Variants in KLRG1 observed in about 807,000 individuals in gnomAD.
KLRG1 encodes the protein killer cell lectin like receptor G1.
A neutral mutation model predicts 21.8 loss-of-function variants in KLRG1; 16 were observed. That is an observed-to-expected ratio of 0.73 (90% confidence interval 0.50 to 1.11). The LOEUF is 1.11. Ranked by LOEUF, KLRG1 falls within the 50% of genes most tolerant of loss-of-function variation. KLRG1 has a pLI of 0.00. For missense variants in KLRG1, 173 were observed against 218.3 expected (o/e 0.79, Z 1.31); for synonymous variants, 69 against 75.9 (o/e 0.91, Z 0.47).
chr12:9,114,361 C>T, the KLRG1 span, among the ~76,000 whole-genome samples: 1 of 152,218 alleles, frequency 6.6e-6, no homozygotes, highest in Middle Eastern at 3.4e-3. Context: ...TACATATTTT[C>T]AAGTAAACAT....
At chr12:9,204,025 T>C in the KLRG1 span, 1 of 1,353,288 alleles carries the variant, frequency 7.4e-7, no homozygotes, top group Non-Finnish European at 1.0e-6. Context: ...TGTGTTTTCA[T>C]AACAATATGT....
chr12:8,978,116 A>T (rs1286413792), intron 1 of KLRG1, among the ~76,000 whole-genome samples: 1 of 152,196 alleles, frequency 6.6e-6, no homozygotes, highest in Non-Finnish European at 1.5e-5. Flanking sequence ...TTAAAACTAT[A>T]TGTACCACTA....
the KLRG1 span, among the ~76,000 whole-genome samples, chr12:9,141,771 A>T: frequency 6.6e-6 from 1 of 152,182 alleles, no homozygotes; most frequent in Non-Finnish European, 1.5e-5. Flanking sequence ...ACTTTTAGCA[A>T]CCTTTACTTT....
the KLRG1 span, among the ~76,000 whole-genome samples, chr12:9,175,083 A>G: frequency 6.6e-6 from 1 of 152,240 alleles, no homozygotes; most frequent in Non-Finnish European, 1.5e-5. Context: ...TACAGTAACC[A>G]AAACAGCATG....
the KLRG1 span, among the ~76,000 whole-genome samples, chr12:9,194,666 A>G: frequency 1.7e-4 from 26 of 151,988 alleles, no homozygotes; most frequent in South Asian, 1.7e-3. Flanking sequence ...GGGTTTCACC[A>G]TGTTAGCCAG....
chr12:9,211,383 G>A, the KLRG1 span, among the ~76,000 whole-genome samples: 1 of 151,822 alleles, frequency 6.6e-6, no homozygotes, highest in African/African-American at 2.4e-5. Flanking sequence ...TGTGTTTGCT[G>A]TTGAAGCTCT....
the KLRG1 span, chr12:9,154,584 C>G: frequency 1.3e-6 from 2 of 1,594,538 alleles, no homozygotes; most frequent in Admixed American, 3.4e-5. Flanking sequence ...CCAAGTGAAC[C>G]TGGAGCAGAA....
chr12:9,009,646 A>G lies in KLRG1; in HGVS notation c.*109A>G, dbSNP rs1947586456. On this transcript the variant is annotated 3_prime_UTR_variant, in exon 5 of 5. Transcript: ENST00000356986. Reference sequence around the variant, plus strand: ...TGAGTATATAGTTAGCAAATACTGAACTTTCTCAGATATGGCATTAGATGC... The same window carrying G: ...TGAGTATATAGTTAGCAAATACTGAGCTTTCTCAGATATGGCATTAGATGC... The G allele has an allele frequency of 1.4e-6, 2 of 1,474,516 alleles. No individual in the cohort carries two copies. Among genetic ancestry groups the G allele is most frequent in the African/African-American group, 2.8e-5 (2 of 70,214 alleles). The allele number at this position is 1,474,516 out of a possible 1,614,324, so 91.3% of individuals were successfully genotyped here.
At chr12:9,084,695 G>A in the KLRG1 span, among the ~76,000 whole-genome samples, 1 of 152,060 alleles carries the variant, frequency 6.6e-6, no homozygotes, top group Non-Finnish European at 1.5e-5. Context: ...TACCTTGAAT[G>A]CAAATGGACT....
At chr12:9,157,398 A>C in the KLRG1 span, 1 of 1,566,000 alleles carries the variant, frequency 6.4e-7, no homozygotes, top group East Asian at 2.3e-5. Flanking sequence ...GGGTGAATAG[A>C]GGGCAGAGCA....
the KLRG1 span, among the ~76,000 whole-genome samples, chr12:9,084,389 G>T: frequency 2.0e-5 from 3 of 152,084 alleles, no homozygotes; most frequent in Non-Finnish European, 4.4e-5. Context: ...AAAATAAATT[G>T]TCAATAAATA....
At chr12:8,982,247 A>C (rs2137292824) in intron 1 of KLRG1, among the ~76,000 whole-genome samples, 1 of 152,342 alleles carries the variant, frequency 6.6e-6, no homozygotes, top group Non-Finnish European at 1.5e-5. Flanking sequence ...GTCAGAAAAC[A>C]GAGTTGTAAC....
the KLRG1 span, among the ~76,000 whole-genome samples, chr12:9,144,659 A>C: frequency 3.9e-5 from 6 of 152,320 alleles, no homozygotes; most frequent in Admixed American, 3.9e-4. Flanking sequence ...AGAGTATTTA[A>C]GGGTTTTAGG....
At chr12:8,955,968 C>T (rs1435681341) in intron 1 of KLRG1, among the ~76,000 whole-genome samples, 3 of 152,130 alleles carry the variant, frequency 2.0e-5, no homozygotes, top group Non-Finnish European at 4.4e-5. Context: ...GACCAATCAG[C>T]ACACACTCCC....
At chr12:9,066,988 A>G in the KLRG1 span, 1 of 152,234 alleles carries the variant, frequency 6.6e-6, no homozygotes, top group Non-Finnish European at 1.5e-5. Context: ...TACTTACTGC[A>G]AAGAAAATTA....
At chr12:9,094,198 G>A in the KLRG1 span, among the ~76,000 whole-genome samples, 2 of 151,832 alleles carry the variant, frequency 1.3e-5, no homozygotes, top group African/African-American at 4.8e-5. Context: ...GTTTACAGGA[G>A]GGAAAAGTTT....
chr12:9,044,843 T>C, the KLRG1 span, among the ~76,000 whole-genome samples: 5 of 152,178 alleles, frequency 3.3e-5, no homozygotes, highest in Non-Finnish European at 7.3e-5. Flanking sequence ...ACAATTCTTA[T>C]CCTGGCTTTA....
chr12:9,161,078 A>G, the KLRG1 span: 2 of 1,603,964 alleles, frequency 1.2e-6, no homozygotes, highest in Non-Finnish European at 1.7e-6. Flanking sequence ...ACCACATTTG[A>G]TGGGAGCTTC....
chr12:9,039,932 C>A, the KLRG1 span, among the ~76,000 whole-genome samples: 1 of 152,106 alleles, frequency 6.6e-6, no homozygotes, highest in Admixed American at 6.5e-5. Flanking sequence ...CAGGTATGGA[C>A]ACTACTAGAA....
Sources: allele counts gnomAD v4.1 joint callset (sites outside exome capture counted in the v4.1 genomes callset), GRCh38; gene constraint gnomAD v4.1.1; transcripts MANE v1.5; gene names NCBI Gene and HGNC (gene_info 2026-07-23, HGNC 2026-07-21).